Variants in CD2AP observed in about 807,000 individuals in gnomAD.
CD2AP encodes the protein CD2 associated protein, also known as CD2-associated protein.
CD2AP carries 46 observed loss-of-function variants against 85.1 expected under a neutral mutation model. The ratio of observed to expected loss-of-function variants is 0.54; its 90% CI spans 0.43 to 0.69. The LOEUF (loss-of-function observed/expected upper bound fraction) is 0.69. Among genes scored for constraint, CD2AP ranks in the 30% least tolerant of loss-of-function variants. The pLI is 0.00. For synonymous variants in CD2AP, 255 were observed against 252.9 expected, an observed-to-expected ratio of 1.01 and a Z score of -0.08; for missense variants, 769 against 729.5, an observed-to-expected ratio of 1.05 and a Z score of -0.62.
chr6:47,599,829 G>A (rs930358374), intron 13 of CD2AP, among the ~76,000 whole-genome samples: 7 of 151,932 alleles, frequency 4.6e-5, no homozygotes, highest in Non-Finnish European at 1.0e-4. Flanking sequence ...TATTTCATAG[G>A]ACTTTAAATT....
At position 47,583,446 on chromosome 6, in the gene CD2AP, G is replaced by A. The variant is rs115912771; in HGVS notation, c.1108+1381G>A. On this transcript the variant is annotated intron_variant, in intron 11 of 17. Coordinates refer to ENST00000359314, the MANE Select transcript of CD2AP (RefSeq NM_012120.3). ...TCATCTGTCCTTCCCTTCAACCCTT[G>A]TCAACCATTAATTTTTTTAATGACT... Among the ~76,000 whole-genome samples the A allele has an allele frequency of 5.7e-3, 872 of 152,000 alleles. 7 individuals are homozygous for A. Among genetic ancestry groups the A allele is most frequent in the African/African-American group, 0.02 (815 of 41,410 alleles).
chr6:47,488,888 T>TA (rs565260902), intron 1 of CD2AP, among the ~76,000 whole-genome samples: 8 of 150,540 alleles, frequency 5.3e-5, no homozygotes, highest in South Asian at 2.1e-4. Flanking sequence ...GAGTCTTTCT[T>TA]AAAAAAAAAA....
chr6:47,518,213 C>T (rs1766502095), intron 2 of CD2AP, among the ~76,000 whole-genome samples: 1 of 152,064 alleles, frequency 6.6e-6, no homozygotes, highest in Non-Finnish European at 1.5e-5. Flanking sequence ...AATCAGAATA[C>T]TGAGTTATGA....
At chr6:47,607,744 C>T in intron 14 of CD2AP, 183 bp from the exon 15 acceptor site, 2 of 509,880 alleles carry the variant, frequency 3.9e-6, no homozygotes, top group Non-Finnish European at 7.0e-6. Flanking sequence ...CTGTTTTTGC[C>T]CTCAAGATAT....
chr6:47,609,046 T>G, intron 15 of CD2AP, 77 bp from the exon 16 acceptor site: 1 of 1,163,824 alleles, frequency 8.6e-7, no homozygotes, highest in South Asian at 1.5e-5. Flanking sequence ...TTAATTGTTT[T>G]TCTTCTTGCT....
intron 11 of CD2AP, among the ~76,000 whole-genome samples, chr6:47,586,625 A>C (rs1395586618): frequency 1.3e-5 from 2 of 152,226 alleles, no homozygotes; most frequent in Non-Finnish European, 2.9e-5. Flanking sequence ...AAACCTTTTG[A>C]GACAAAATCT....
At chr6:47,500,999 C>G (rs974541243) in intron 1 of CD2AP, among the ~76,000 whole-genome samples, 6 of 152,072 alleles carry the variant, frequency 3.9e-5, no homozygotes, top group Non-Finnish European at 5.9e-5. Flanking sequence ...CGCCTGCCTC[C>G]GCCTCCCAAA....
At chr6:47,496,233 G>A (rs577125087) in intron 1 of CD2AP, among the ~76,000 whole-genome samples, 6 of 152,168 alleles carry the variant, frequency 3.9e-5, no homozygotes, top group African/African-American at 1.2e-4. Flanking sequence ...TTTCTTGGGT[G>A]TAGAGAGTTT....
chr6:47,498,388 T>C (rs1765921035), intron 1 of CD2AP, among the ~76,000 whole-genome samples: 1 of 152,242 alleles, frequency 6.6e-6, no homozygotes. Flanking sequence ...TTATTGTTAT[T>C]ATGAAATTGC....
chr6:47,595,911 G>A lies in CD2AP; in HGVS notation c.1159G>A (p.Val387Ile), dbSNP rs1316385249. The A allele has an allele frequency of 6.2e-7, 1 of 1,612,690 alleles. No homozygotes were observed. Among genetic ancestry groups the A allele is most frequent in the African/African-American group, 1.3e-5 (1 of 74,814 alleles). The change falls in exon 12 of 18, where the codon GTC (valine) becomes ATC (isoleucine). Residue 387 changes from valine to isoleucine, a missense_variant. Physicochemically the swap from Val to Ile is conservative, Grantham distance 29 (BLOSUM62 3). Transcript: ENST00000359314. ...ACCTTCTAAACCAGCAGCTCCACAAGTCCCACCCAAGAAACCTACTCCACC... is the reference window on the plus strand; with the variant it reads ...ACCTTCTAAACCAGCAGCTCCACAAATCCCACCCAAGAAACCTACTCCACC... ...QKPSKPAAPQ[V>I]PPKKPTPPTK...
chr6:47,499,217 T>G (rs1441670927), intron 1 of CD2AP, among the ~76,000 whole-genome samples: 1 of 152,154 alleles, frequency 6.6e-6, no homozygotes, highest in East Asian at 1.9e-4. Flanking sequence ...TAGGTGGTAT[T>G]TATGAAGTCG....
chr6:47,513,381 G>A (rs377282321), intron 2 of CD2AP, among the ~76,000 whole-genome samples: 39 of 152,094 alleles, frequency 2.6e-4, no homozygotes, highest in African/African-American at 9.4e-4. Context: ...GCCTATCTAT[G>A]TAGGTTCTAG....
chr6:47,567,176 A>G (rs762652625), intron 5 of CD2AP, among the ~76,000 whole-genome samples: 12 of 151,154 alleles, frequency 7.9e-5, no homozygotes, highest in Admixed American at 1.3e-4. Context: ...GTTTGCTGCT[A>G]TCTTCATCTA....
chr6:47,493,847 GAT>G (rs1238576830), intron 1 of CD2AP, among the ~76,000 whole-genome samples: 2 of 152,032 alleles, frequency 1.3e-5, no homozygotes, highest in African/African-American at 2.4e-5. Context: ...ATAGTCTACT[GAT>G]GAATGCATCA....
rs185609509 is a variant in CD2AP, at chr6:47,599,462, C to T, written c.1417+19C>T. On this transcript the variant is annotated intron_variant, in intron 13 of 17. Coordinates refer to ENST00000359314, the MANE Select transcript of CD2AP (RefSeq NM_012120.3). The stretch of plus-strand genomic sequence containing the variant: ...GAAACAGGTAAGTCAGCATGGACAG[C>T]GGTGGTGCATTTAAAAAAAAAAATT... 1.9e-4 allele frequency: 300 copies of T among 1,604,408 alleles called. 2 individuals carry two copies. The highest frequency in any genetic ancestry group is 5.4e-5 in the African/African-American group (4 of 74,184).
chr6:47,614,918 T>C (rs1170569756), intron 17 of CD2AP, among the ~76,000 whole-genome samples: 2 of 152,228 alleles, frequency 1.3e-5, no homozygotes, highest in Non-Finnish European at 2.9e-5. Context: ...CCACTGGTGA[T>C]TGGCAATTTC....
At chr6:47,567,744 G>A (rs1768041791) in intron 5 of CD2AP, among the ~76,000 whole-genome samples, 2 of 152,184 alleles carry the variant, frequency 1.3e-5, no homozygotes, top group South Asian at 2.1e-4. Flanking sequence ...ATTTAATTCA[G>A]AGGCATTATA....
intron 17 of CD2AP, among the ~76,000 whole-genome samples, chr6:47,618,810 G>A (rs1769667375): frequency 6.6e-6 from 1 of 152,110 alleles, no homozygotes. Flanking sequence ...AGCAAAGTGA[G>A]CTGTTACTTG....
intron 11 of CD2AP, among the ~76,000 whole-genome samples, chr6:47,589,551 T>TATAC (rs1562046421): frequency 7.6e-6 from 1 of 130,890 alleles, no homozygotes; most frequent in Non-Finnish European, 1.7e-5. Context: ...CACATATATA[T>TATAC]ACACACACAC....
Sources: allele counts gnomAD v4.1 joint callset (sites outside exome capture counted in the v4.1 genomes callset), GRCh38; gene constraint gnomAD v4.1.1; transcripts MANE v1.5; gene names NCBI Gene and HGNC (gene_info 2026-07-23, HGNC 2026-07-21).